The following DNAJB1 variants were observed in gnomAD, a reference collection of about 807,000 sequenced individuals.
DNAJB1 encodes the protein DnaJ heat shock protein family (Hsp40) member B1, also known as dnaJ homolog subfamily B member 1.
Under a neutral mutation model 24.0 loss-of-function variants are expected in DNAJB1, and 14 were observed. The observed-to-expected ratio is 0.58, with a 90% CI of 0.39 to 0.91. The LOEUF (loss-of-function observed/expected upper bound fraction) is 0.91, where lower values mean the gene tolerates loss of function less well. Ranked by LOEUF, DNAJB1 falls within the 40% of genes least tolerant of loss-of-function variation. The probability of loss-of-function intolerance (pLI) is 0.00; values close to 1 mark genes in which losing one functional copy is unlikely to be tolerated. For synonymous variants in DNAJB1, 262 were observed against 174.4 expected, an observed-to-expected ratio of 1.50 and a Z score of -3.96; for missense variants, 517 against 458.1, an observed-to-expected ratio of 1.13 and a Z score of -1.17.
chr19:14,544,599 G>A (rs935797637), intron 1 of DNAJB1, among the ~76,000 whole-genome samples: 3 of 151,396 alleles, frequency 2.0e-5, no homozygotes, highest in Non-Finnish European at 2.9e-5. Context: ...TCCATGAACC[G>A]GGCTCATCTT....
intron 1 of DNAJB1, among the ~76,000 whole-genome samples, chr19:14,543,419 A>ATTTTTTTTTTTTTT (rs1169742953): frequency 9.1e-5 from 2 of 21,892 alleles, no homozygotes; most frequent in Non-Finnish European, 7.2e-5. Context: ...ATATATATAT[A>ATTTTTTTTTTTTTT]TTTTTTTTTT....
chr19:14,543,960 A>G (rs1280811220), intron 1 of DNAJB1, among the ~76,000 whole-genome samples: 1 of 141,158 alleles, frequency 7.1e-6, no homozygotes, highest in Non-Finnish European at 1.5e-5. Context: ...CAGGTCTCGA[A>G]CTCCTGACCT....
chr19:14,538,959 C>T (rs1486331351), intron 1 of DNAJB1, among the ~76,000 whole-genome samples: 2 of 151,320 alleles, frequency 1.3e-5, no homozygotes, highest in African/African-American at 4.9e-5. Context: ...TATAATGTCA[C>T]ACACCATGCA....
chr19:14,540,628 G>A (rs1219526625), intron 1 of DNAJB1, among the ~76,000 whole-genome samples: 1 of 151,924 alleles, frequency 6.6e-6, no homozygotes, highest in Non-Finnish European at 1.5e-5. Context: ...CTGACCACAA[G>A]TGATCCACCT....
At chr19:14,524,993 T>C (rs1305009088) in intron 2 of DNAJB1, among the ~76,000 whole-genome samples, 1 of 152,122 alleles carries the variant, frequency 6.6e-6, no homozygotes, top group African/African-American at 2.4e-5. Flanking sequence ...CCCAGCACTT[T>C]GGGAGGCCGA....
Position 14,514,811 on chromosome 19 carries a change from C to CT in DNAJB1, c.*1128dup, listed in dbSNP as rs1468934032. 4 of 152,664 alleles carry CT rather than the reference C, an allele frequency of 2.6e-5. No homozygotes were observed. Among genetic ancestry groups the CT allele is most frequent in the Non-Finnish European group, 5.9e-5 (4 of 68,058 alleles). 9.5% of individuals were successfully genotyped at this position (152,664 alleles called of 1,614,324 possible). A position where few individuals can be genotyped will look rare whatever the true frequency, so the allele number is the denominator to read the frequency against. On this transcript the variant is annotated 3_prime_UTR_variant, in exon 3 of 3. Transcript: ENST00000254322. ...CTTTAATGCTGTCGCACTTCATTGACTAGTCACACACTTTGGTCTCATGTT... is the reference window on the plus strand; with the variant it reads ...CTTTAATGCTGTCGCACTTCATTGACTTAGTCACACACTTTGGTCTCATGTT...
chr19:14,537,165 C>T (rs1599420796), intron 1 of DNAJB1, among the ~76,000 whole-genome samples: 1 of 93,098 alleles, frequency 1.1e-5, no homozygotes, highest in East Asian at 4.0e-4. Context: ...AAAGAAGAGG[C>T]GGGGCCGGGG....
chr19:14,517,285 T>A, intron 1 of DNAJB1: 1 of 509,556 alleles, frequency 2.0e-6, no homozygotes, highest in Non-Finnish European at 3.5e-6. Flanking sequence ...GGTGTTCACC[T>A]CCAGGTGCCA....
In DNAJB1 at chr19:14,515,815, C is replaced by CATT; in HGVS notation, c.*122_*124dup. On this transcript the variant is annotated 3_prime_UTR_variant, in exon 3 of 3. Coordinates refer to ENST00000254322, the MANE Select transcript of DNAJB1 (RefSeq NM_006145.3). ...AGATTGTAATATATGCTCTGGAAAA[C>CATT]ATTCAGCAGTACGAAAGCCCTCCCT... The CATT allele has an allele frequency of 1.2e-6, 1 of 862,260 alleles. No individual in the cohort carries two copies. 53.4% of individuals were successfully genotyped at this position (862,260 alleles called of 1,614,324 possible). A position where few individuals can be genotyped will look rare whatever the true frequency, so the allele number is the denominator to read the frequency against.
At chr19:14,517,881 G>C (rs757717647) in intron 1 of DNAJB1, 6 of 376,866 alleles carry the variant, frequency 1.6e-5, no homozygotes, top group Non-Finnish European at 2.4e-5. Context: ...GGGGCTGCTC[G>C]GGGCCGCGGG....
upstream of DNAJB1, among the ~76,000 whole-genome samples, chr19:14,550,370 G>A (rs1353703176): frequency 6.6e-6 from 1 of 152,142 alleles, no homozygotes; most frequent in Non-Finnish European, 1.5e-5. Flanking sequence ...TGAGCTCATG[G>A]GGGTGGACTA....
At chr19:14,517,986 T>A (rs931234898) in intron 1 of DNAJB1, among the ~76,000 whole-genome samples, 153 bp downstream of exon 1, 4 of 151,984 alleles carry the variant, frequency 2.6e-5, no homozygotes, top group African/African-American at 9.7e-5. Context: ...CGGCCGCCAA[T>A]CCGAGGGCGG....
At chr19:14,559,314 G>T (rs2073836662) in intron 1 of DNAJB1, among the ~76,000 whole-genome samples, 2 of 151,926 alleles carry the variant, frequency 1.3e-5, no homozygotes, top group Admixed American at 1.3e-4. Flanking sequence ...AGGAGACCGG[G>T]TACCCAGCAG....
rs567310338 is a variant in DNAJB1, at chr19:14,526,368, C to T, written c.-90+1358G>A. 2.0e-5 allele frequency among the ~76,000 whole-genome samples: 3 copies of T among 152,256 alleles called. No homozygotes were observed. In the South Asian group the frequency reaches 6.2e-4, roughly 32 times the overall value. ...AGTACAGTGTCCTCAGTGGCTTGAA[C>T]AAAGTGGCCAGTCTTCATTCCAAGG... On this transcript the variant is annotated intron_variant, in intron 2 of 3. Transcript: ENST00000396969.
At chr19:14,547,414 G>A (rs1247725231) in intron 1 of DNAJB1, among the ~76,000 whole-genome samples, 1 of 152,104 alleles carries the variant, frequency 6.6e-6, no homozygotes, top group African/African-American at 2.4e-5. Context: ...AGGCTGGAGT[G>A]CAGTGGCATG....
Position 14,540,830 on chromosome 19 carries a change from C to CT in DNAJB1, c.-214+9377dup, listed in dbSNP as rs200190797. 8.8e-3 allele frequency among the ~76,000 whole-genome samples: 1,340 copies of CT among 151,904 alleles called. 21 individuals carry two copies. The highest frequency in any genetic ancestry group is 0.031 in the African/African-American group (1,289 of 41,428). ...AGGTGTGTATCACTATGTCTGGCTG[C>CT]TTTTTTTTGTTTGTTTGTTTGTTTG... On this transcript the variant is annotated intron_variant, in intron 1 of 3. Coordinates refer to the DNAJB1 transcript ENST00000676982.
chr19:14,534,423 C>CATT (rs2072788600), upstream of DNAJB1, among the ~76,000 whole-genome samples: 1 of 52,452 alleles, frequency 1.9e-5, no homozygotes, highest in Non-Finnish European at 3.3e-5. Context: ...CATGCCTGGC[C>CATT]TTTTTTTTTT....
chr19:14,542,347 G>GGTTT (rs2073124658), intron 1 of DNAJB1, among the ~76,000 whole-genome samples: 4 of 43,282 alleles, frequency 9.2e-5, no homozygotes, highest in African/African-American at 3.2e-4. Flanking sequence ...ATGCCATAGT[G>GGTTT]TTTTTTTTTT....
At chr19:14,536,267 GTTT>G (rs201416657) in intron 1 of DNAJB1, among the ~76,000 whole-genome samples, 45 of 138,030 alleles carry the variant, frequency 3.3e-4, no homozygotes, top group African/African-American at 6.7e-4. Flanking sequence ...TCTCGAGCTA[GTTT>G]TTTTTTTTTT....
Sources: gnomAD v4.1 joint callset for allele counts (sites outside exome capture counted in the v4.1 genomes callset) on GRCh38, gnomAD v4.1.1 for gene constraint, MANE v1.5 for transcripts, NCBI Gene and HGNC (gene_info 2026-07-23, HGNC 2026-07-21) for gene names.